Variants in GFRA1 observed in about 807,000 individuals in gnomAD.
The protein encoded by GFRA1 is GDNF family receptor alpha-1.
GFRA1 carries 16 observed loss-of-function variants against 51.6 expected under a neutral mutation model. That is an observed-to-expected ratio of 0.31 (90% confidence interval 0.21 to 0.47). The LOEUF is 0.47. Among genes scored for constraint, GFRA1 ranks in the 20% least tolerant of loss-of-function variants. GFRA1 has a pLI of 1.00. For synonymous variants in GFRA1, 270 were observed against 241.3 expected (o/e 1.12, Z -1.10); for missense variants, 530 against 594.3 (o/e 0.89, Z 1.13).
chr10:116,095,065 G>A (rs7080131), intron 7 of GFRA1, among the ~76,000 whole-genome samples: 4,488 of 152,258 alleles, frequency 0.029, 168 homozygotes, highest in African/African-American at 0.085. Flanking sequence ...CCTTAGGTGC[G>A]TAAGGGTTTA....
intron 5 of GFRA1, among the ~76,000 whole-genome samples, chr10:116,177,156 T>A (rs1249809216): frequency 6.6e-6 from 1 of 152,130 alleles, no homozygotes; most frequent in Non-Finnish European, 1.5e-5. Context: ...TATCACAGGC[T>A]CTGATAAGAA....
intron 6 of GFRA1, among the ~76,000 whole-genome samples, chr10:116,112,431 C>G (rs746989946): frequency 6.6e-6 from 1 of 152,158 alleles, no homozygotes; most frequent in Non-Finnish European, 1.5e-5. Context: ...GATTACATAT[C>G]AGAAAGAGCA....
At chr10:116,193,155 A>G (rs575217977) in intron 5 of GFRA1, among the ~76,000 whole-genome samples, 4 of 152,130 alleles carry the variant, frequency 2.6e-5, no homozygotes, top group African/African-American at 9.7e-5. Flanking sequence ...CAAAATAAAA[A>G]TAGATTTTTT....
At chr10:116,077,944 A>T (rs551205157) in intron 9 of GFRA1, among the ~76,000 whole-genome samples, 1 of 152,348 alleles carries the variant, frequency 6.6e-6, no homozygotes, top group South Asian at 2.1e-4. Context: ...TTGCAGGAAC[A>T]GCACTGTTTT....
chr10:116,271,503 CGAG>C (rs969165189), intron 2 of GFRA1, among the ~76,000 whole-genome samples: 1 of 152,080 alleles, frequency 6.6e-6, no homozygotes. Flanking sequence ...AGGCGCTTTC[CGAG>C]GAGAAGTGCG....
intron 4 of GFRA1, among the ~76,000 whole-genome samples, chr10:116,234,301 T>C (rs1296373710): frequency 6.6e-6 from 1 of 152,188 alleles, no homozygotes; most frequent in African/African-American, 2.4e-5. Context: ...GACAGCATCT[T>C]GGGGATCTAG....
At chr10:116,117,773 A>G (rs899800974) in intron 6 of GFRA1, among the ~76,000 whole-genome samples, 6 of 152,152 alleles carry the variant, frequency 3.9e-5, no homozygotes, top group African/African-American at 1.2e-4. Flanking sequence ...ATGGAAGGAG[A>G]GAGAAATGGG....
intron 4 of GFRA1, among the ~76,000 whole-genome samples, chr10:116,259,079 C>T (rs1345016544): frequency 6.6e-6 from 1 of 152,206 alleles, no homozygotes; most frequent in Non-Finnish European, 1.5e-5. Flanking sequence ...ATTAATGAAA[C>T]ATTTCATAAA....
intron 5 of GFRA1, among the ~76,000 whole-genome samples, chr10:116,176,875 C>A (rs563135155): frequency 2.0e-5 from 3 of 152,268 alleles, no homozygotes; most frequent in Admixed American, 6.5e-5. Flanking sequence ...GATCACCATG[C>A]AGTGTGGCAG....
At chr10:116,143,138 C>G (rs1171281556) in intron 5 of GFRA1, among the ~76,000 whole-genome samples, 1 of 152,174 alleles carries the variant, frequency 6.6e-6, no homozygotes, top group Non-Finnish European at 1.5e-5. Flanking sequence ...ACGATCCCAG[C>G]TTTGTCCCTA....
chr10:116,258,935 C>T (rs942674270), intron 4 of GFRA1, among the ~76,000 whole-genome samples: 1 of 152,260 alleles, frequency 6.6e-6, no homozygotes, highest in Admixed American at 6.5e-5. Context: ...ACTTCTTTTG[C>T]CATTCAAATG....
intron 5 of GFRA1, among the ~76,000 whole-genome samples, chr10:116,133,190 A>G (rs566164026): frequency 6.6e-6 from 1 of 152,078 alleles, no homozygotes; most frequent in East Asian, 1.9e-4. Flanking sequence ...GTGCTCAGCT[A>G]ATGTGCTCCT....
intron 9 of GFRA1, among the ~76,000 whole-genome samples, chr10:116,065,868 A>AT (rs1955085363): frequency 6.6e-6 from 1 of 152,208 alleles, no homozygotes; most frequent in African/African-American, 2.4e-5. Context: ...CTCAATATTA[A>AT]TAAGATACTT....
chr10:116,202,357 G>A (rs1488878377), intron 5 of GFRA1, among the ~76,000 whole-genome samples: 1 of 152,152 alleles, frequency 6.6e-6, no homozygotes, highest in Non-Finnish European at 1.5e-5. Context: ...AGGAGCATTG[G>A]GCGGCACCTT....
chr10:116,080,012 G>T (rs1294682408), intron 9 of GFRA1, among the ~76,000 whole-genome samples: 1 of 152,090 alleles, frequency 6.6e-6, no homozygotes, highest in Non-Finnish European at 1.5e-5. Flanking sequence ...TGGGAAAAAG[G>T]CCCCATAAAG....
chr10:116,217,941 C>T lies in GFRA1; in HGVS notation c.419-6296G>A, dbSNP rs547103599. Reference sequence around the variant, plus strand: ...AAAAACCTCTGCGACTTGCATAGGACTGTAAAGGAATCATGAGAGGAAAAT... The same window carrying T: ...AAAAACCTCTGCGACTTGCATAGGATTGTAAAGGAATCATGAGAGGAAAAT... On this transcript the variant is annotated intron_variant, in intron 4 of 10. Coordinates refer to ENST00000355422, the MANE Select transcript of GFRA1 (RefSeq NM_005264.8). 2.6e-5 allele frequency among the ~76,000 whole-genome samples: 4 copies of T among 152,214 alleles called. No individual in the cohort carries two copies. The South Asian group carries it at 8.3e-4, about 32-fold the overall frequency.
At chr10:116,080,931 C>CA (rs1402169194) in intron 9 of GFRA1, among the ~76,000 whole-genome samples, 1 of 152,138 alleles carries the variant, frequency 6.6e-6, no homozygotes, top group East Asian at 1.9e-4. Flanking sequence ...TCCTGGGCAG[C>CA]AAATACATTA....
chr10:116,266,422 T>C (rs1287066733), intron 4 of GFRA1, among the ~76,000 whole-genome samples: 1 of 152,240 alleles, frequency 6.6e-6, no homozygotes, highest in Non-Finnish European at 1.5e-5. Flanking sequence ...TCCTTTTCCA[T>C]CCTGCAAAGG....
chr10:116,230,444 T>C (rs1288412527), intron 4 of GFRA1, among the ~76,000 whole-genome samples: 1 of 152,202 alleles, frequency 6.6e-6, no homozygotes, highest in Non-Finnish European at 1.5e-5. Context: ...CTATGTTGAG[T>C]GGCTTTCCAA....
Sources: gnomAD v4.1 joint callset for allele counts (sites outside exome capture counted in the v4.1 genomes callset) on GRCh38, gnomAD v4.1.1 for gene constraint, MANE v1.5 for transcripts, NCBI Gene and HGNC (gene_info 2026-07-23, HGNC 2026-07-21) for gene names.